The following KIF13A variants were observed in gnomAD, a reference collection of about 807,000 sequenced individuals.
The protein encoded by KIF13A is kinesin family member 13A.
In KIF13A, 79 loss-of-function variants were observed where a neutral mutation model predicts 212.2. The observed-to-expected ratio is 0.37, with a 90% CI of 0.31 to 0.45. KIF13A has a LOEUF of 0.45. Among genes scored for constraint, KIF13A ranks in the 20% least tolerant of loss-of-function variants. The pLI, the probability that KIF13A is intolerant of heterozygous loss-of-function variation, is 1.00. For missense variants in KIF13A, 1,901 were observed against 2,209.0 expected, an observed-to-expected ratio of 0.86 and a Z score of 2.79; for synonymous variants, 789 against 808.6, an observed-to-expected ratio of 0.98 and a Z score of 0.41.
intron 4 of KIF13A, among the ~76,000 whole-genome samples, chr6:17,868,553 T>C (rs1769646387): frequency 6.6e-6 from 1 of 150,472 alleles, no homozygotes; most frequent in African/African-American, 2.5e-5. Flanking sequence ...TTATTTCTGT[T>C]TTTTTTTTTC....
intron 3 of KIF13A, among the ~76,000 whole-genome samples, chr6:17,879,214 T>C (rs138191590): frequency 4.6e-5 from 7 of 152,286 alleles, no homozygotes; most frequent in Non-Finnish European, 7.4e-5. Flanking sequence ...TATGCCTTGG[T>C]TCTTCTGTGT....
rs1280596444 is a variant in KIF13A at position 17,945,639 on chromosome 6, T to C, written c.146+41415A>G. ...AAGAACTAAATAAACAGATATACCA[T>C]GTTTTCAAATTAGAAAATCCAACAC... On this transcript the variant is annotated intron_variant, in intron 2 of 38. Transcript: ENST00000259711. 7.2e-5 allele frequency among the ~76,000 whole-genome samples: 11 copies of C among 152,314 alleles called. No individual in the cohort carries two copies. The East Asian group carries it at 1.5e-3, about 21-fold the overall frequency.
chr6:17,922,597 A>C (rs1248130429), intron 2 of KIF13A, among the ~76,000 whole-genome samples: 1 of 110,376 alleles, frequency 9.1e-6, no homozygotes, highest in African/African-American at 3.6e-5. Context: ...TAAATAGTTA[A>C]ATGAAAAACT....
intron 2 of KIF13A, among the ~76,000 whole-genome samples, chr6:17,902,565 A>G (rs1350568225): frequency 1.3e-5 from 2 of 151,930 alleles, no homozygotes; most frequent in Non-Finnish European, 1.5e-5. Context: ...AACTCATGCA[A>G]TTTACATGCC....
chr6:17,765,347 G>A (rs1417138498), intron 38 of KIF13A, among the ~76,000 whole-genome samples: 1 of 152,190 alleles, frequency 6.6e-6, no homozygotes, highest in Non-Finnish European at 1.5e-5. Context: ...CAGAAGCAGA[G>A]AAGAGCCACT....
At chr6:17,788,666 T>C (rs888042057) in intron 26 of KIF13A, among the ~76,000 whole-genome samples, 8 of 152,224 alleles carry the variant, frequency 5.3e-5, no homozygotes, top group African/African-American at 1.4e-4. Flanking sequence ...GTTTAAGACT[T>C]AAGACGTTAC....
In KIF13A at chr6:17,764,686, G is replaced by A; in HGVS notation, c.4842C>T (p.Val1614=). ...GCTGGTCTGAGCTGTCACTAGAAGG[G>A]ACCACCATGTCAGACAGGGTGGCAT... ...ASNATLSDMV[V]PSSDSSDQLA... The change falls in exon 39 of 39, where the codon GTC becomes GTT. Residue 1614 remains valine (V), a synonymous_variant. Transcript: ENST00000259711. The surrounding 1 kb of genome is among the most constrained non-coding windows in gnomAD (Gnocchi z 5.1). The A allele has an allele frequency of 6.2e-7, 1 of 1,613,666 alleles. No homozygotes were observed. Among genetic ancestry groups the A allele is most frequent in the Non-Finnish European group, 8.5e-7 (1 of 1,179,756 alleles).
intron 2 of KIF13A, among the ~76,000 whole-genome samples, chr6:17,980,634 A>G (rs2150638703): frequency 6.6e-6 from 1 of 152,322 alleles, no homozygotes; most frequent in East Asian, 1.9e-4. Flanking sequence ...TTTGGATGCT[A>G]AAGTAATTAA....
At position 17,865,336 on chromosome 6, in the gene KIF13A, A is replaced by AAT. The variant is rs1554186868; in HGVS notation, c.220+8040_220+8041insAT. On this transcript the variant is annotated intron_variant, in intron 4 of 38. Transcript: ENST00000259711. Reference sequence around the variant, plus strand: ...AGTAGAGAGAGAGAGGAAAAAAAAAAAATAAAGGCTGGGCTCACTATTTAT... The same window carrying AAT: ...AGTAGAGAGAGAGAGGAAAAAAAAAAATAATAAAGGCTGGGCTCACTATTTAT... Among the ~76,000 whole-genome samples, 314 of 41,314 alleles carry AAT rather than the reference A, an allele frequency of 7.6e-3. 1 individual carries two copies. The highest frequency in any genetic ancestry group is 0.028 in the African/African-American group (300 of 10,610). 27.1% of individuals were successfully genotyped at this position (41,314 alleles called of 152,430 possible).
At position 17,785,514 on chromosome 6, in the gene KIF13A, C is replaced by G; in HGVS notation, c.3488+1G>C. 1.9e-6 allele frequency: 3 copies of G among 1,566,614 alleles called. No individual in the cohort carries two copies. The highest frequency in any genetic ancestry group is 2.6e-6 in the Non-Finnish European group (3 of 1,158,726). The stretch of plus-strand genomic sequence containing the variant: ...CTGCACAGAAGGGAGGGCAGCCTTA[C>G]CAGTCGGCAGGTGCCCCAGGAATCC... On this transcript the variant is annotated splice_donor_variant, in intron 28 of 38. Coordinates refer to ENST00000259711, the MANE Select transcript of KIF13A (RefSeq NM_022113.6). LOFTEE classifies it high-confidence loss of function. The surrounding 1 kb of genome is among the most constrained non-coding windows in gnomAD (Gnocchi z 5.8).
chr6:17,879,719 T>C (rs1770888161), intron 3 of KIF13A, among the ~76,000 whole-genome samples: 1 of 152,218 alleles, frequency 6.6e-6, no homozygotes, highest in Admixed American at 6.5e-5. Context: ...CTTTGTCATG[T>C]CCTTGACATT....
Position 17,777,367 on chromosome 6 carries a change from T to C in KIF13A, c.4093-13A>G. The C allele has an allele frequency of 6.3e-7, 1 of 1,594,012 alleles. No individual in the cohort carries two copies. The highest frequency in any genetic ancestry group is 8.5e-7 in the Non-Finnish European group (1 of 1,169,848). On this transcript the variant is annotated splice_polypyrimidine_tract_variant and intron_variant, in intron 33 of 38. Coordinates refer to ENST00000259711, the MANE Select transcript of KIF13A (RefSeq NM_022113.6). The surrounding 1 kb of genome is among the most constrained non-coding windows in gnomAD (Gnocchi z 4.4). ...TGACTGTGACGGCCTGTAAACATAATAATTTGAAAATAACACTTTTTTTTT... is the reference window on the plus strand; with the variant it reads ...TGACTGTGACGGCCTGTAAACATAACAATTTGAAAATAACACTTTTTTTTT...
In KIF13A at chr6:17,771,795, G is replaced by T. The variant is rs1463444454; in HGVS notation, c.4476+113C>A. The T allele has an allele frequency of 2.2e-6, 2 of 924,226 alleles. No homozygotes were observed. The highest frequency in any genetic ancestry group is 2.1e-5 in the Admixed American group (1 of 47,362). 57.3% of individuals were successfully genotyped at this position (924,226 alleles called of 1,614,324 possible). ...GGAATTCGAGAACGGGAACCATGGAGTGATGACCGTGCATGTCCACATGCA... is the reference window on the plus strand; with the variant it reads ...GGAATTCGAGAACGGGAACCATGGATTGATGACCGTGCATGTCCACATGCA... On this transcript the variant is annotated intron_variant, in intron 37 of 38. Transcript: ENST00000259711. This position sits in a 1 kb window ranked among gnomAD's most constrained non-coding sequence, Gnocchi z 5.4.
At chr6:17,922,548 C>T (rs1481709115) in intron 2 of KIF13A, among the ~76,000 whole-genome samples, 2 of 150,224 alleles carry the variant, frequency 1.3e-5, no homozygotes, top group African/African-American at 4.9e-5. Context: ...TACATTAATT[C>T]ACCAAAAAGG....
chr6:17,932,244 A>G (rs996220536), intron 2 of KIF13A, among the ~76,000 whole-genome samples: 3 of 152,224 alleles, frequency 2.0e-5, no homozygotes, highest in Non-Finnish European at 4.4e-5. Context: ...CATATTTGGC[A>G]CCAGGCTTAT....
In KIF13A at chr6:17,912,709, G is replaced by A. The variant is rs1162166784; in HGVS notation, c.147-14529C>T. On this transcript the variant is annotated intron_variant, in intron 2 of 38. Coordinates refer to ENST00000259711, the MANE Select transcript of KIF13A (RefSeq NM_022113.6). The surrounding 1 kb of genome is among the most constrained non-coding windows in gnomAD (Gnocchi z 4.2). ...TCTTACAGTAAGTCTATTGATGGCT[G>A]GAAGAAGGGATCACATGAAAATAAA... Among the ~76,000 whole-genome samples the A allele has an allele frequency of 2.0e-5, 3 of 152,086 alleles. No homozygotes were observed. The highest frequency in any genetic ancestry group is 4.4e-5 in the Non-Finnish European group (3 of 68,032).
chr6:17,900,668 A>G lies in KIF13A; in HGVS notation c.147-2488T>C, dbSNP rs1028309377. ...CATCATCACTGTACTTCATTCATTG[A>G]TACATCCTCTACTTCATTCACTGAT... On this transcript the variant is annotated intron_variant, in intron 2 of 38. Coordinates refer to ENST00000259711, the MANE Select transcript of KIF13A (RefSeq NM_022113.6). This position sits in a 1 kb window ranked among gnomAD's most constrained non-coding sequence, Gnocchi z 4.6. Among the ~76,000 whole-genome samples the G allele has an allele frequency of 1.3e-5, 2 of 152,218 alleles. No homozygotes were observed. Among genetic ancestry groups the G allele is most frequent in the Non-Finnish European group, 2.9e-5 (2 of 68,040 alleles).
intron 2 of KIF13A, among the ~76,000 whole-genome samples, chr6:17,972,192 C>T (rs1432450488): frequency 6.6e-6 from 1 of 152,158 alleles, no homozygotes; most frequent in Non-Finnish European, 1.5e-5. Context: ...CTTGATAAAC[C>T]TTCCCCACTA....
intron 2 of KIF13A, among the ~76,000 whole-genome samples, chr6:17,938,825 T>C (rs1345697252): frequency 6.6e-6 from 1 of 151,924 alleles, no homozygotes; most frequent in Non-Finnish European, 1.5e-5. Flanking sequence ...GTGAATTTTT[T>C]TTTTTTTTTT....
Sources: gnomAD v4.1 joint callset for allele counts (sites outside exome capture counted in the v4.1 genomes callset) on GRCh38, gnomAD v4.1.1 for gene constraint, Gnocchi (gnomAD v3.1) non-coding constraint, MANE v1.5 for transcripts, NCBI Gene and HGNC (gene_info 2026-07-23, HGNC 2026-07-21) for gene names.